CADPS2: variants seen among roughly 807,000 people sequenced by gnomAD.
The protein encoded by CADPS2 is calcium dependent secretion activator 2.
Under a neutral mutation model 172.5 loss-of-function variants are expected in CADPS2, and 93 were observed. That is an observed-to-expected ratio of 0.54 (90% CI 0.46 to 0.64). CADPS2 has a LOEUF of 0.64. CADPS2 is among the 30% of genes least tolerant of loss of function. CADPS2 has a pLI of 0.00. For synonymous variants in CADPS2, 546 were observed against 555.2 expected, an observed-to-expected ratio of 0.98 and a Z score of 0.23; for missense variants, 1,420 against 1,565.9, an observed-to-expected ratio of 0.91 and a Z score of 1.57.
chr7:122,493,577 G>C (rs1171599203), intron 9 of CADPS2, among the ~76,000 whole-genome samples: 1 of 152,186 alleles, frequency 6.6e-6, no homozygotes, highest in African/African-American at 2.4e-5. Flanking sequence ...AGTACACAGT[G>C]TGGGTGACAG....
chr7:122,695,336 G>C (rs990602530), intron 2 of CADPS2, among the ~76,000 whole-genome samples: 3 of 152,146 alleles, frequency 2.0e-5, no homozygotes, highest in African/African-American at 7.2e-5. Flanking sequence ...CACATTATTA[G>C]TCCCATGTCA....
At chr7:122,866,694 G>A (rs969063845) in intron 1 of CADPS2, among the ~76,000 whole-genome samples, 3 of 152,154 alleles carry the variant, frequency 2.0e-5, no homozygotes, top group African/African-American at 7.2e-5. Flanking sequence ...GGGCAAGACT[G>A]TCTCAAACCA....
intron 8 of CADPS2, among the ~76,000 whole-genome samples, chr7:122,513,531 A>G (rs932306276): frequency 6.6e-6 from 1 of 152,224 alleles, no homozygotes; most frequent in Non-Finnish European, 1.5e-5. Flanking sequence ...GTGACTTATC[A>G]ATTTGTCAGT....
chr7:122,836,087 G>C (rs1808327869), intron 1 of CADPS2, among the ~76,000 whole-genome samples: 1 of 152,186 alleles, frequency 6.6e-6, no homozygotes, highest in African/African-American at 2.4e-5. Flanking sequence ...TCTCTCAGCA[G>C]AAACTCTACA....
At chr7:122,441,952 C>T (rs1271760951) in intron 15 of CADPS2, among the ~76,000 whole-genome samples, 1 of 152,118 alleles carries the variant, frequency 6.6e-6, no homozygotes, top group African/African-American at 2.4e-5. Context: ...CCCTCATTTC[C>T]TCCTGTGGCT....
intron 9 of CADPS2, among the ~76,000 whole-genome samples, chr7:122,500,174 C>T (rs570892468): frequency 6.6e-6 from 1 of 152,220 alleles, no homozygotes; most frequent in South Asian, 2.1e-4. Flanking sequence ...TCTAATAAAA[C>T]CCTACTCCTT....
chr7:122,489,975 G>T, intron 11 of CADPS2, 106 bp downstream of exon 11: 1 of 904,090 alleles, frequency 1.1e-6, no homozygotes, highest in Non-Finnish European at 1.7e-6. Flanking sequence ...CATTTAATTA[G>T]GAATCAATTA....
chr7:122,537,762 T>C (rs1369470817), intron 8 of CADPS2, among the ~76,000 whole-genome samples: 1 of 151,740 alleles, frequency 6.6e-6, no homozygotes, highest in East Asian at 1.9e-4. Context: ...ACGAAATTAA[T>C]ACAAATGTAT....
rs948841424 is a variant in CADPS2, at chr7:122,590,573, C to T, written c.1224-9283G>A. On this transcript the variant is annotated intron_variant, in intron 6 of 29. Coordinates refer to ENST00000449022, the MANE Select transcript of CADPS2 (RefSeq NM_017954.11). ...GTCTTAACCATTACAGGCAGTGCTGCAACAGACACCTTCATATATATTCAT... is the reference window on the plus strand; with the variant it reads ...GTCTTAACCATTACAGGCAGTGCTGTAACAGACACCTTCATATATATTCAT... Among the ~76,000 whole-genome samples the T allele has an allele frequency of 4.0e-5, 6 of 151,728 alleles. No individual in the cohort carries two copies. The South Asian group carries it at 1.2e-3, about 31-fold the overall frequency.
chr7:122,578,356 G>A (rs1437365595), intron 7 of CADPS2, among the ~76,000 whole-genome samples: 1 of 152,078 alleles, frequency 6.6e-6, no homozygotes, highest in Non-Finnish European at 1.5e-5. Context: ...GCAGGTATGA[G>A]TGTACAATGT....
chr7:122,729,909 T>G (rs143259986), intron 2 of CADPS2, among the ~76,000 whole-genome samples: 1 of 151,718 alleles, frequency 6.6e-6, no homozygotes, highest in Non-Finnish European at 1.5e-5. Flanking sequence ...ATGTAAATCA[T>G]TGTTATCAGT....
chr7:122,703,048 A>G (rs2086422028), intron 2 of CADPS2: 1 of 292,414 alleles, frequency 3.4e-6, no homozygotes, highest in Non-Finnish European at 6.4e-6. Flanking sequence ...AAGAGTTTAT[A>G]TTAGTGCATT....
At chr7:122,541,657 T>G (rs917383980) in intron 8 of CADPS2, among the ~76,000 whole-genome samples, 42 of 146,222 alleles carry the variant, frequency 2.9e-4, no homozygotes, top group Admixed American at 1.8e-3. Flanking sequence ...ATTCATATCT[T>G]TATATATTCA....
At chr7:122,525,008 AT>A (rs2061098623) in intron 8 of CADPS2, among the ~76,000 whole-genome samples, 1 of 151,778 alleles carries the variant, frequency 6.6e-6, no homozygotes, top group Non-Finnish European at 1.5e-5. Flanking sequence ...AAAATTAGCC[AT>A]GTGTCTGTGG....
rs759459509 is a variant in CADPS2, at chr7:122,886,299, C to T, written c.39G>A (p.Glu13=). ...DPSSSEEESD[E]GLEEESRDVL... ...CATCGCGGCTTTCCTCTTCCAGCCC[C>T]TCGTCCGACTCCTCTTCGCTGGAAG... The change falls in exon 1 of 30, where the codon GAG becomes GAA. Residue 13 remains glutamate (E), a synonymous_variant. Transcript: ENST00000449022. The T allele has an allele frequency of 1.3e-6, 2 of 1,504,260 alleles. No homozygotes were observed. Among genetic ancestry groups the T allele is most frequent in the South Asian group, 2.5e-5 (2 of 81,092 alleles). The allele number at this position is 1,504,260 out of a possible 1,614,324, so 93.2% of individuals were successfully genotyped here. A position where few individuals can be genotyped will look rare whatever the true frequency, so the allele number is the denominator to read the frequency against.
At chr7:122,788,005 A>G (rs1332725542) in intron 1 of CADPS2, among the ~76,000 whole-genome samples, 1 of 152,196 alleles carries the variant, frequency 6.6e-6, no homozygotes. Flanking sequence ...CTGACAATAA[A>G]CATCCCCCCT....
chr7:122,503,274 T>C (rs952990131), intron 9 of CADPS2, among the ~76,000 whole-genome samples: 1 of 152,122 alleles, frequency 6.6e-6, no homozygotes, highest in African/African-American at 2.4e-5. Context: ...GACCTTGTGA[T>C]CTGCTCGCCT....
chr7:122,552,047 G>T (rs1166917997), intron 8 of CADPS2, among the ~76,000 whole-genome samples: 3 of 152,058 alleles, frequency 2.0e-5, no homozygotes, highest in Non-Finnish European at 4.4e-5. Flanking sequence ...TTACCACATG[G>T]GTACTGAGAA....
Position 122,645,246 on chromosome 7 carries a change from C to T in CADPS2, c.787-15918G>A, listed in dbSNP as rs200233722. Reference sequence around the variant, plus strand: ...TATACGCTAAGTATATATATACACACATGTACATGTGTGTATACATGTACA... The same window carrying T: ...TATACGCTAAGTATATATATACACATATGTACATGTGTGTATACATGTACA... On this transcript the variant is annotated intron_variant, in intron 3 of 29. Transcript: ENST00000449022. Among the ~76,000 whole-genome samples, 11 of 139,566 alleles carry T rather than the reference C, an allele frequency of 7.9e-5. 1 individual carries two copies. Among genetic ancestry groups the T allele is most frequent in the Admixed American group, 2.9e-4 (4 of 13,866 alleles). 91.6% of individuals were successfully genotyped at this position (139,566 alleles called of 152,430 possible).
Sources: gnomAD v4.1 joint callset for allele counts (sites outside exome capture counted in the v4.1 genomes callset) on GRCh38, gnomAD v4.1.1 for gene constraint, MANE v1.5 for transcripts, NCBI Gene and HGNC (gene_info 2026-07-23, HGNC 2026-07-21) for gene names.